The following CTNNA2 variants were observed in gnomAD, a reference collection of about 807,000 sequenced individuals.
CTNNA2 encodes the protein catenin alpha-2.
In CTNNA2, 42 loss-of-function variants were observed where a neutral mutation model predicts 101.0. That is an observed-to-expected ratio of 0.42 (90% CI 0.32 to 0.54). CTNNA2 has a LOEUF of 0.54. CTNNA2 is among the 20% of genes least tolerant of loss of function. The probability of loss-of-function intolerance (pLI) is 0.14; values close to 1 mark genes in which losing one functional copy is unlikely to be tolerated. For synonymous variants in CTNNA2, 450 were observed against 456.4 expected (o/e 0.99, Z 0.18); for missense variants, 871 against 1,223.1 (o/e 0.71, Z 4.29).
intron 1 of CTNNA2, among the ~76,000 whole-genome samples, chr2:79,632,019 C>G (rs1359483122): frequency 6.6e-6 from 1 of 152,104 alleles, no homozygotes; most frequent in Non-Finnish European, 1.5e-5. Flanking sequence ...TTTTAGCAGA[C>G]TGTGTGTTTA....
At chr2:80,632,930 CAAAG>C (rs1172343244) in intron 18 of CTNNA2, among the ~76,000 whole-genome samples, 2 of 152,072 alleles carry the variant, frequency 1.3e-5, no homozygotes, top group Admixed American at 6.6e-5. Context: ...AATAGAAACT[CAAAG>C]AGATTACAGA....
chr2:79,905,053 A>G (rs1685326950), intron 6 of CTNNA2, among the ~76,000 whole-genome samples: 1 of 152,236 alleles, frequency 6.6e-6, no homozygotes, highest in African/African-American at 2.4e-5. Flanking sequence ...TGAAGGCAGA[A>G]TAGGATTCTA....
At chr2:79,933,831 TA>T (rs1395738341) in intron 7 of CTNNA2, among the ~76,000 whole-genome samples, 1 of 152,254 alleles carries the variant, frequency 6.6e-6, no homozygotes, top group African/African-American at 2.4e-5. Context: ...GTGCTTCATT[TA>T]CCTGCATTAA....
At chr2:80,179,451 G>C (rs1705617426) in intron 7 of CTNNA2, among the ~76,000 whole-genome samples, 1 of 151,946 alleles carries the variant, frequency 6.6e-6, no homozygotes, top group African/African-American at 2.4e-5. Flanking sequence ...TCAGCTCACT[G>C]CAGGCTCTGC....
At chr2:79,536,961 C>G (rs916924961) in intron 1 of CTNNA2, among the ~76,000 whole-genome samples, 1 of 152,122 alleles carries the variant, frequency 6.6e-6, no homozygotes, top group Non-Finnish European at 1.5e-5. Flanking sequence ...CTCCGCCTCC[C>G]CATGGATTTT....
At chr2:79,305,932 G>A (rs1339323922) in intron 2 of CTNNA2, among the ~76,000 whole-genome samples, 1 of 151,424 alleles carries the variant, frequency 6.6e-6, no homozygotes, top group Non-Finnish European at 1.5e-5. Flanking sequence ...TGTAGTCCCA[G>A]CTACTTGGGA....
At chr2:79,586,876 A>C (rs1676529074) in intron 1 of CTNNA2, among the ~76,000 whole-genome samples, 2 of 148,606 alleles carry the variant, frequency 1.3e-5, no homozygotes, top group South Asian at 4.2e-4. Context: ...ATGCCTTTGC[A>C]TCCTCATGGC....
chr2:79,807,484 T>C (rs537524353), intron 3 of CTNNA2, among the ~76,000 whole-genome samples: 1 of 152,308 alleles, frequency 6.6e-6, no homozygotes, highest in African/African-American at 2.4e-5. Flanking sequence ...TAAAAATAGT[T>C]TAAACTGTTC....
intron 3 of CTNNA2, among the ~76,000 whole-genome samples, chr2:79,827,425 G>T (rs1405893467): frequency 6.6e-6 from 1 of 152,168 alleles, no homozygotes. Flanking sequence ...CTTGCAGACG[G>T]AAAATCCACA....
At chr2:80,387,208 G>A (rs1033771586) in intron 7 of CTNNA2, among the ~76,000 whole-genome samples, 2 of 152,096 alleles carry the variant, frequency 1.3e-5, no homozygotes, top group Admixed American at 6.5e-5. Context: ...AGAATGGCAT[G>A]AACCCGGGAG....
At chr2:79,569,838 G>T (rs1365688798) in intron 1 of CTNNA2, among the ~76,000 whole-genome samples, 1 of 152,070 alleles carries the variant, frequency 6.6e-6, no homozygotes. Context: ...TGAATGTACT[G>T]ATATTTATTG....
At chr2:79,415,355 G>A (rs1291113898) in intron 4 of CTNNA2, among the ~76,000 whole-genome samples, 2 of 152,172 alleles carry the variant, frequency 1.3e-5, no homozygotes, top group Non-Finnish European at 2.9e-5. Flanking sequence ...CCAGTGCAGT[G>A]CTTCCTGTAC....
chr2:79,762,471 GAAC>G (rs1672859155), intron 3 of CTNNA2, among the ~76,000 whole-genome samples: 1 of 152,160 alleles, frequency 6.6e-6, no homozygotes, highest in Non-Finnish European at 1.5e-5. Context: ...TGTAATCCTA[GAAC>G]AACGAGTAGA....
intron 9 of CTNNA2, among the ~76,000 whole-genome samples, chr2:80,539,035 T>C (rs1423130071): frequency 6.6e-6 from 1 of 152,194 alleles, no homozygotes; most frequent in East Asian, 1.9e-4. Flanking sequence ...TGTTTGTTTT[T>C]TGAGATGCAG....
Position 79,436,034 on chromosome 2 carries a change from C to G in CTNNA2, c.-135+62021C>G, listed in dbSNP as rs373225987. On this transcript the variant is annotated intron_variant, in intron 4 of 21. Transcript: ENST00000466387. ...TCTGCAAAACCACACGGGTTCCTGA[C>G]CACTCCCAAAAGACTTCTGGTTTGG... is the stretch of plus-strand genomic sequence containing the variant. Among the ~76,000 whole-genome samples the G allele has an allele frequency of 2.6e-5, 4 of 152,014 alleles. No individual in the cohort carries two copies. The East Asian group carries it at 5.9e-4, about 22-fold the overall frequency.
intron 2 of CTNNA2, among the ~76,000 whole-genome samples, chr2:79,661,249 G>A (rs1468506739): frequency 6.6e-6 from 1 of 152,052 alleles, no homozygotes; most frequent in Non-Finnish European, 1.5e-5. Flanking sequence ...ATTAGCCTAG[G>A]GAGATGAAAG....
Position 80,261,985 on chromosome 2 carries a change from TGA to T in CTNNA2, c.1057-131225_1057-131224del, listed in dbSNP as rs879617050. 1.1e-3 allele frequency among the ~76,000 whole-genome samples: 163 copies of T among 152,312 alleles called. 2 individuals carry two copies. Among genetic ancestry groups the T allele is most frequent in the South Asian group, 4.4e-3 (21 of 4,826 alleles). On this transcript the variant is annotated intron_variant, in intron 7 of 18. Coordinates refer to ENST00000402739, the MANE Select transcript of CTNNA2 (RefSeq NM_001282597.3). The stretch of plus-strand genomic sequence containing the variant: ...ACTACTTGCTAGTCTGTTACTGTGT[TGA>T]AGTGTATTCTGTTAGTGCAATAAGA...
intron 2 of CTNNA2, among the ~76,000 whole-genome samples, chr2:79,689,307 A>G (rs575845329): frequency 8.5e-4 from 129 of 152,086 alleles, no homozygotes; most frequent in Non-Finnish European, 1.6e-3. Context: ...GGAAATAGAC[A>G]TGGTTAAAGG....
At chr2:80,180,406 A>T (rs1705698417) in intron 7 of CTNNA2, among the ~76,000 whole-genome samples, 1 of 152,228 alleles carries the variant, frequency 6.6e-6, no homozygotes, top group Non-Finnish European at 1.5e-5. Flanking sequence ...AGTTCTAGGA[A>T]CACTGTGATT....
Sources: gnomAD v4.1 joint callset for allele counts (sites outside exome capture counted in the v4.1 genomes callset) on GRCh38, gnomAD v4.1.1 for gene constraint, MANE v1.5 for transcripts, NCBI Gene and HGNC (gene_info 2026-07-23, HGNC 2026-07-21) for gene names.